The following HEBP2 variants were observed in gnomAD, a reference collection of about 807,000 sequenced individuals.
HEBP2 encodes heme binding protein 2, also known as heme-binding protein 2.
HEBP2 carries 27 observed loss-of-function variants against 23.1 expected under a neutral mutation model. The ratio of observed to expected loss-of-function variants is 1.17; its 90% confidence interval spans 0.86 to 1.61. HEBP2 has a LOEUF of 1.61. Ranked by LOEUF, HEBP2 falls within the 40% of genes most tolerant of loss-of-function variation. The pLI is 0.00. For synonymous variants in HEBP2, 99 were observed against 95.1 expected, an observed-to-expected ratio of 1.04 and a Z score of -0.24; for missense variants, 245 against 253.8, an observed-to-expected ratio of 0.97 and a Z score of 0.24.
rs1482759326 is a variant in HEBP2 at position 138,422,002 on chromosome 6, A to G, written c.*8924A>G. ...TATAAGAACACCTATCTCATTATTC[A>G]AAAAAAATGCATGTATAAACAAAAA... On this transcript the variant is annotated 3_prime_UTR_variant, in exon 4 of 4. Transcript: ENST00000607197. 2 of 151,732 alleles carry G rather than the reference A, an allele frequency of 1.3e-5. No homozygotes were observed. Among genetic ancestry groups the G allele is most frequent in the African/African-American group, 4.8e-5 (2 of 41,370 alleles). 9.4% of individuals were successfully genotyped at this position (151,732 alleles called of 1,614,324 possible).
chr6:138,406,842 C>T (rs779062221), intron 3 of HEBP2, among the ~76,000 whole-genome samples: 1 of 152,054 alleles, frequency 6.6e-6, no homozygotes, highest in Non-Finnish European at 1.5e-5. Context: ...GCCTGGGCAA[C>T]ATGGCAAGGC....
rs1288743358 is a variant in HEBP2, at chr6:138,415,052, G to C, written c.*1974G>C. On this transcript the variant is annotated 3_prime_UTR_variant, in exon 4 of 4. Transcript: ENST00000607197. ...ACAGAGCAAGATCCTGTCTCAGAAA[G>C]AAAAAAAAAAGTCCTAGTCATTTCT... The C allele has an allele frequency of 6.7e-6, 1 of 148,698 alleles. No homozygotes were observed. The highest frequency in any genetic ancestry group is 2.5e-5 in the African/African-American group (1 of 40,418). 9.2% of individuals were successfully genotyped at this position (148,698 alleles called of 1,614,324 possible).
rs1289848948 is a variant in HEBP2 at position 138,404,585 on chromosome 6, C to A, written c.90C>A (p.Asp30Glu). Residue 30 changes from aspartate (D) to glutamate (E), a missense_variant, in exon 1 of 4, where the codon GAC becomes GAA. By Grantham distance (45) the Asp-to-Glu change is conservative (BLOSUM62 2). Transcript: ENST00000607197. ...VETPGWKAPE[D>E]AGPQPGSYEI... Reference sequence around the variant, plus strand: ...CGCCGGGCTGGAAGGCCCCGGAGGACGCCGGCCCCCAGGTAGGCGCCGACT... The same window carrying A: ...CGCCGGGCTGGAAGGCCCCGGAGGAAGCCGGCCCCCAGGTAGGCGCCGACT... 3 of 1,290,532 alleles carry A rather than the reference C, an allele frequency of 2.3e-6. No homozygotes were observed. Among genetic ancestry groups the A allele is most frequent in the Non-Finnish European group, 2.9e-6 (3 of 1,019,932 alleles). The allele number at this position is 1,290,532 out of a possible 1,614,324, so 79.9% of individuals were successfully genotyped here.
At chr6:138,411,978 A>AG (rs2114772351) in intron 3 of HEBP2, 3 of 399,394 alleles carry the variant, frequency 7.5e-6, no homozygotes, top group Admixed American at 3.1e-5. Flanking sequence ...CAGGATGTAT[A>AG]GAGAGAGCTG....
intron 3 of HEBP2, among the ~76,000 whole-genome samples, chr6:138,411,124 T>C (rs1410541986): frequency 1.3e-5 from 2 of 152,254 alleles, no homozygotes; most frequent in Non-Finnish European, 2.9e-5. Flanking sequence ...GTGTTTCTTA[T>C]TCTTAACCCT....
chr6:138,415,448 T>C lies in HEBP2; in HGVS notation c.*2370T>C, dbSNP rs1387396199. ...TGGTGCAGGGGAACGCAATGACTGG[T>C]GGGTGATTTGGGTGTCTCAAATATG... On this transcript the variant is annotated 3_prime_UTR_variant, in exon 4 of 4. Coordinates refer to ENST00000607197, the MANE Select transcript of HEBP2 (RefSeq NM_014320.3). 1 of 152,082 alleles carries C rather than the reference T, an allele frequency of 6.6e-6. No individual in the cohort carries two copies. Among genetic ancestry groups the C allele is most frequent in the Non-Finnish European group, 1.5e-5 (1 of 68,048 alleles). 9.4% of individuals were successfully genotyped at this position (152,082 alleles called of 1,614,324 possible). A position where few individuals can be genotyped will look rare whatever the true frequency, so the allele number is the denominator to read the frequency against.
Position 138,421,818 on chromosome 6 carries a change from T to C in HEBP2, c.*8740T>C, listed in dbSNP as rs1051906025. On this transcript the variant is annotated 3_prime_UTR_variant, in exon 4 of 4. Transcript: ENST00000607197. ...TATTCGTATTTTATTCCAAAGTCCA[T>C]AGGACACGATGTGGACTTGTTTTTC... The C allele has an allele frequency of 2.6e-5, 4 of 152,216 alleles. No individual in the cohort carries two copies. The highest frequency in any genetic ancestry group is 9.7e-5 in the African/African-American group (4 of 41,444). The allele number at this position is 152,216 out of a possible 1,614,324, so 9.4% of individuals were successfully genotyped here. A position where few individuals can be genotyped will look rare whatever the true frequency, so the allele number is the denominator to read the frequency against.
chr6:138,407,402 A>G (rs1324373474), intron 3 of HEBP2, among the ~76,000 whole-genome samples: 1 of 152,230 alleles, frequency 6.6e-6, no homozygotes. Flanking sequence ...AAATCTTCAG[A>G]TTAATTTTCT....
At chr6:138,412,629 T>A (rs1236377092) in intron 3 of HEBP2, among the ~76,000 whole-genome samples, 1 of 152,144 alleles carries the variant, frequency 6.6e-6, no homozygotes, top group East Asian at 1.9e-4. Context: ...AAGTTTTGTA[T>A]TTTTATTAGA....
Position 138,406,063 on chromosome 6 carries a change from A to C in HEBP2, c.331A>C (p.Ile111Leu). 1.2e-6 allele frequency: 2 copies of C among 1,614,132 alleles called. No homozygotes were observed. The highest frequency in any genetic ancestry group is 1.7e-6 in the Non-Finnish European group (2 of 1,179,994). The change falls in exon 3 of 4, where the codon ATT (isoleucine) becomes CTT (leucine). Residue 111 changes from isoleucine to leucine, a missense_variant. Ile to Leu is a conservative substitution (Grantham distance 5). Transcript: ENST00000607197. ...GTCTACCATTACCATTTCCCTGTATATTCCCTCTGAACAGCAATTTGATCC... is the reference window on the plus strand; with the variant it reads ...GTCTACCATTACCATTTCCCTGTATCTTCCCTCTGAACAGCAATTTGATCC... Reference protein sequence around the residue: ...SESTITISLYIPSEQQFDPPR... With the variant: ...SESTITISLYLPSEQQFDPPR...
rs987389055 is a variant in HEBP2 at position 138,417,116 on chromosome 6, A to G, written c.*4038A>G. Reference sequence around the variant, plus strand: ...AGTCATTACAGTTCCTCCTCCTCCCATTAAAATGGGAGCATACAGAGGTTA... The same window carrying G: ...AGTCATTACAGTTCCTCCTCCTCCCGTTAAAATGGGAGCATACAGAGGTTA... On this transcript the variant is annotated 3_prime_UTR_variant, in exon 4 of 4. Coordinates refer to ENST00000607197, the MANE Select transcript of HEBP2 (RefSeq NM_014320.3). 1 of 152,170 alleles carries G rather than the reference A, an allele frequency of 6.6e-6. No individual in the cohort carries two copies. Among genetic ancestry groups the G allele is most frequent in the African/African-American group, 2.4e-5 (1 of 41,446 alleles). 9.4% of individuals were successfully genotyped at this position (152,170 alleles called of 1,614,324 possible). A position where few individuals can be genotyped will look rare whatever the true frequency, so the allele number is the denominator to read the frequency against.
chr6:138,403,581 G>T (rs762148527), upstream of HEBP2: 4 of 465,388 alleles, frequency 8.6e-6, no homozygotes, highest in South Asian at 1.5e-4. Context: ...TCCTCTGGGG[G>T]GCGCCGGAGC....
In HEBP2 at chr6:138,415,871, A is replaced by T. The variant is rs1225612328; in HGVS notation, c.*2793A>T. On this transcript the variant is annotated 3_prime_UTR_variant, in exon 4 of 4. Coordinates refer to ENST00000607197, the MANE Select transcript of HEBP2 (RefSeq NM_014320.3). Reference sequence around the variant, plus strand: ...AAGAGGCCCACCCTTCCCCATGAAGAGCTGGAACTACCCTCCCTTCCTGCC... The same window carrying T: ...AAGAGGCCCACCCTTCCCCATGAAGTGCTGGAACTACCCTCCCTTCCTGCC... 6.6e-6 allele frequency: 1 copy of T among 152,168 alleles called. No homozygotes were observed. The highest frequency in any genetic ancestry group is 2.4e-5 in the African/African-American group (1 of 41,432). The allele number at this position is 152,168 out of a possible 1,614,324, so 9.4% of individuals were successfully genotyped here.
chr6:138,404,811 G>C (rs1250494922), intron 1 of HEBP2, among the ~76,000 whole-genome samples: 2 of 152,168 alleles, frequency 1.3e-5, no homozygotes, highest in Admixed American at 6.5e-5. Context: ...TTGTCTTTGC[G>C]GGGTGGTGGG....
At position 138,413,301 on chromosome 6, in the gene HEBP2, G is replaced by T; in HGVS notation, c.*223G>T. On this transcript the variant is annotated 3_prime_UTR_variant, in exon 4 of 4. Coordinates refer to ENST00000607197, the MANE Select transcript of HEBP2 (RefSeq NM_014320.3). ...CATATAAATCGGTCATAACTATCGT[G>T]GTCTTTATTTCTGTGAGGATCTAGG... is the stretch of plus-strand genomic sequence containing the variant. The T allele has an allele frequency of 9.3e-6, 4 of 431,776 alleles. No individual in the cohort carries two copies. The highest frequency in any genetic ancestry group is 4.0e-5 in the African/African-American group (2 of 50,162). 26.7% of individuals were successfully genotyped at this position (431,776 alleles called of 1,614,324 possible).
Position 138,415,343 on chromosome 6 carries a change from C to T in HEBP2, c.*2265C>T, listed in dbSNP as rs1213795027. On this transcript the variant is annotated 3_prime_UTR_variant, in exon 4 of 4. Transcript: ENST00000607197. ...GTCTGGCTGGCTCGGAGGCCCCCAT[C>T]CCTGGTGGATAGGTGGCACAGACAG... 6.6e-6 allele frequency: 1 copy of T among 152,290 alleles called. No homozygotes were observed. The highest frequency in any genetic ancestry group is 2.4e-5 in the African/African-American group (1 of 41,552). The allele number at this position is 152,290 out of a possible 1,614,324, so 9.4% of individuals were successfully genotyped here. A position where few individuals can be genotyped will look rare whatever the true frequency, so the allele number is the denominator to read the frequency against.
rs1774827702 is a variant in HEBP2, at chr6:138,415,500, C to T, written c.*2422C>T. 2 of 152,136 alleles carry T rather than the reference C, an allele frequency of 1.3e-5. No individual in the cohort carries two copies. Among genetic ancestry groups the T allele is most frequent in the African/African-American group, 4.8e-5 (2 of 41,424 alleles). The allele number at this position is 152,136 out of a possible 1,614,324, so 9.4% of individuals were successfully genotyped here. On this transcript the variant is annotated 3_prime_UTR_variant, in exon 4 of 4. Coordinates refer to ENST00000607197, the MANE Select transcript of HEBP2 (RefSeq NM_014320.3). ...GAAGGGTGGATAAAAGAGACAAGGA[C>T]AGTGGGCTTCCATGGTTATTGCTGA...
In HEBP2 at chr6:138,413,202, TATTTCCAATG is replaced by T; in HGVS notation, c.*125_*134del. The T allele has an allele frequency of 1.4e-6, 1 of 718,434 alleles. No homozygotes were observed. The highest frequency in any genetic ancestry group is 2.3e-6 in the Non-Finnish European group (1 of 430,104). The allele number at this position is 718,434 out of a possible 1,614,324, so 44.5% of individuals were successfully genotyped here. On this transcript the variant is annotated 3_prime_UTR_variant, in exon 4 of 4. Coordinates refer to ENST00000607197, the MANE Select transcript of HEBP2 (RefSeq NM_014320.3). ...TGAGAGTACTACTATTAATTAAGCT[TATTTCCAATG>T]TGCCTTTTTAATGCTTGAAGTTTTA...
rs1274653194 is a variant in HEBP2, at chr6:138,421,255, A to G, written c.*8177A>G. On this transcript the variant is annotated 3_prime_UTR_variant, in exon 4 of 4. Transcript: ENST00000607197. ...GCAGGCTGAACCCCTACTACGGCAG[A>G]ACCAAGAAAGCCACTCTTTCCCCTC... 1 of 150,882 alleles carries G rather than the reference A, an allele frequency of 6.6e-6. No individual in the cohort carries two copies. The allele number at this position is 150,882 out of a possible 1,614,324, so 9.3% of individuals were successfully genotyped here.
Sources: allele counts gnomAD v4.1 joint callset (sites outside exome capture counted in the v4.1 genomes callset), GRCh38; gene constraint gnomAD v4.1.1; transcripts MANE v1.5; gene names NCBI Gene and HGNC (gene_info 2026-07-23, HGNC 2026-07-21).